Variants in NFATC2 observed in about 807,000 individuals in gnomAD.
NFATC2 encodes the protein nuclear factor of activated T-cells, cytoplasmic 2.
NFATC2 carries 22 observed loss-of-function variants against 87.3 expected under a neutral mutation model. The ratio of observed to expected loss-of-function variants is 0.25; its 90% CI spans 0.18 to 0.36. The LOEUF (loss-of-function observed/expected upper bound fraction) is 0.36. Ranked by LOEUF, NFATC2 falls within the 10% of genes least tolerant of loss-of-function variation. The probability of loss-of-function intolerance (pLI) is 1.00; values close to 1 mark genes in which losing one functional copy is unlikely to be tolerated. For missense variants in NFATC2, 1,149 were observed against 1,259.1 expected (o/e 0.91, Z 1.32); for synonymous variants, 565 against 542.2 (o/e 1.04, Z -0.58).
At chr20:51,541,083 G>C (rs984471005) in intron 1 of NFATC2, among the ~76,000 whole-genome samples, 1 of 152,132 alleles carries the variant, frequency 6.6e-6, no homozygotes, top group Non-Finnish European at 1.5e-5. Flanking sequence ...GTATCCAAGG[G>C]AAGAGGATAC....
intron 6 of NFATC2, 47 bp from the exon 7 acceptor site, chr20:51,435,808 C>T (rs2146353709): frequency 6.6e-7 from 1 of 1,521,682 alleles, no homozygotes; most frequent in Non-Finnish European, 9.0e-7. Flanking sequence ...TATTAGAAAC[C>T]AAAGATTTAA....
intron 3 of NFATC2, among the ~76,000 whole-genome samples, chr20:51,491,606 T>C (rs951084266): frequency 2.6e-5 from 4 of 152,156 alleles, no homozygotes; most frequent in Admixed American, 6.5e-5. Flanking sequence ...ACGTGCTACC[T>C]CCGCCATGTG....
At chr20:51,455,300 CAGA>C (rs1986281671) in intron 5 of NFATC2, among the ~76,000 whole-genome samples, 1 of 152,164 alleles carries the variant, frequency 6.6e-6, no homozygotes, top group Non-Finnish European at 1.5e-5. Context: ...TTCTGTCTCT[CAGA>C]TATACTCAGC....
rs6021182 is a variant in NFATC2, at chr20:51,404,152, G to T, written c.2723-5422C>A. 2.0e-5 allele frequency among the ~76,000 whole-genome samples: 3 copies of T among 152,138 alleles called. No individual in the cohort carries two copies. In the South Asian group the frequency reaches 6.2e-4, roughly 32 times the overall value. On this transcript the variant is annotated intron_variant, in intron 9 of 10. Coordinates refer to ENST00000371564, the MANE Select transcript of NFATC2 (RefSeq NM_012340.5). ...AATCCTGCTTGTCTGCCCATGATCA[G>T]GCCCAAATCTCTGTTTCTTGCAGCC...
chr20:51,443,877 C>T (rs954636678), intron 6 of NFATC2, among the ~76,000 whole-genome samples: 2 of 149,584 alleles, frequency 1.3e-5, no homozygotes, highest in Non-Finnish European at 3.0e-5. Flanking sequence ...CCACTTTGGG[C>T]AAAAGGGTTA....
chr20:51,392,744 G>A (rs982917739), intron 10 of NFATC2, among the ~76,000 whole-genome samples: 2 of 152,102 alleles, frequency 1.3e-5, no homozygotes, highest in Non-Finnish European at 2.9e-5. Context: ...AGTTACATTG[G>A]CAGTGAGGGT....
At position 51,389,888 on chromosome 20, in the gene NFATC2, C is replaced by CTCTAAGTACAG. The variant is rs1351752813; in HGVS notation, c.*1597_*1607dup. 1.3e-5 allele frequency: 2 copies of CTCTAAGTACAG among 152,188 alleles called. No homozygotes were observed. Among genetic ancestry groups the CTCTAAGTACAG allele is most frequent in the Admixed American group, 6.5e-5 (1 of 15,280 alleles). 9.4% of individuals were successfully genotyped at this position (152,188 alleles called of 1,614,324 possible). A position where few individuals can be genotyped will look rare whatever the true frequency, so the allele number is the denominator to read the frequency against. ...CTGTACAGACTGGACTGAGAAAACACTCTAAGTACAGTCTGAGTGCTAAGA... is the reference window on the plus strand; with the variant it reads ...CTGTACAGACTGGACTGAGAAAACACTCTAAGTACAGTCTAAGTACAGTCTGAGTGCTAAGA... On this transcript the variant is annotated 3_prime_UTR_variant, in exon 11 of 11. Transcript: ENST00000371564.
intron 9 of NFATC2, among the ~76,000 whole-genome samples, chr20:51,407,095 T>G (rs931703385): frequency 2.0e-5 from 3 of 152,232 alleles, no homozygotes; most frequent in African/African-American, 4.8e-5. Flanking sequence ...TGCTGTTCGC[T>G]CTACCTGGAC....
intron 8 of NFATC2, 143 bp downstream of exon 8, chr20:51,435,045 G>C: frequency 9.9e-7 from 1 of 1,011,368 alleles, no homozygotes; most frequent in South Asian, 1.6e-5. Context: ...GGAAGATGCT[G>C]TCTCACAGAT....
At chr20:51,425,359 C>A (rs114733266) in intron 9 of NFATC2, among the ~76,000 whole-genome samples, 1 of 152,216 alleles carries the variant, frequency 6.6e-6, no homozygotes, top group Non-Finnish European at 1.5e-5. Context: ...CTGCTGCTGG[C>A]GGTTTCTGGT....
At chr20:51,426,166 A>G (rs1360740451) in intron 9 of NFATC2, among the ~76,000 whole-genome samples, 1 of 152,208 alleles carries the variant, frequency 6.6e-6, no homozygotes, top group Non-Finnish European at 1.5e-5. Flanking sequence ...CATGTCCTAC[A>G]AGAAATCAAG....
chr20:51,407,256 G>T (rs1287833001), intron 9 of NFATC2, among the ~76,000 whole-genome samples: 1 of 152,128 alleles, frequency 6.6e-6, no homozygotes, highest in East Asian at 1.9e-4. Flanking sequence ...AGGCCTCCGT[G>T]CCACCCCATC....
At chr20:51,482,907 A>G (rs1989383219) in intron 3 of NFATC2, among the ~76,000 whole-genome samples, 2 of 152,220 alleles carry the variant, frequency 1.3e-5, no homozygotes, top group Admixed American at 1.3e-4. Flanking sequence ...GAGAATCTCA[A>G]AGAACTACAT....
intron 3 of NFATC2, among the ~76,000 whole-genome samples, chr20:51,482,342 C>T (rs527910322): frequency 5.5e-4 from 81 of 146,176 alleles, no homozygotes; most frequent in African/African-American, 2.0e-3. Context: ...AAAAAGGCAT[C>T]AATATCTGTT....
intron 6 of NFATC2, among the ~76,000 whole-genome samples, chr20:51,440,367 A>G (rs1269634086): frequency 3.3e-5 from 5 of 152,228 alleles, no homozygotes; most frequent in African/African-American, 4.8e-5. Context: ...CAATACTGAG[A>G]AAAACACAAG....
intron 6 of NFATC2, among the ~76,000 whole-genome samples, chr20:51,438,444 A>AT (rs1053724904): frequency 1.1e-3 from 3 of 2,614 alleles, no homozygotes; most frequent in African/African-American, 3.5e-3. Flanking sequence ...GCTTGCTTTG[A>AT]AAAAAAAAAA....
At chr20:51,537,184 T>C (rs1008193070) in intron 1 of NFATC2, among the ~76,000 whole-genome samples, 2 of 144,228 alleles carry the variant, frequency 1.4e-5, no homozygotes, top group Non-Finnish European at 3.0e-5. Context: ...CTGTGAGTGC[T>C]GAGAAATGAC....
intron 1 of NFATC2, among the ~76,000 whole-genome samples, chr20:51,532,714 A>C (rs527730651): frequency 6.6e-6 from 1 of 152,338 alleles, no homozygotes; most frequent in East Asian, 1.9e-4. Flanking sequence ...CTTTTGAAAA[A>C]AGGAACAGCA....
At chr20:51,402,165 A>G (rs1337463372) in intron 9 of NFATC2, among the ~76,000 whole-genome samples, 2 of 152,198 alleles carry the variant, frequency 1.3e-5, no homozygotes, top group Non-Finnish European at 2.9e-5. Context: ...TCTACGGAGA[A>G]ACAATTGGTG....
Sources: allele counts gnomAD v4.1 joint callset (sites outside exome capture counted in the v4.1 genomes callset), GRCh38; gene constraint gnomAD v4.1.1; transcripts MANE v1.5; gene names NCBI Gene and HGNC (gene_info 2026-07-23, HGNC 2026-07-21).